The following LRRC4C variants were observed in gnomAD, a reference collection of about 807,000 sequenced individuals.
LRRC4C encodes leucine rich repeat containing 4C.
LRRC4C carries 5 observed loss-of-function variants against 33.6 expected under a neutral mutation model. That is an observed-to-expected ratio of 0.15 (90% CI 0.08 to 0.31). LRRC4C has a LOEUF of 0.31. Ranked by LOEUF, LRRC4C falls within the 10% of genes least tolerant of loss-of-function variation. LRRC4C has a pLI of 1.00. For missense variants in LRRC4C, 560 were observed against 796.7 expected (o/e 0.70, Z 3.58); for synonymous variants, 329 against 302.0 (o/e 1.09, Z -0.93).
intron 1 of LRRC4C, among the ~76,000 whole-genome samples, chr11:41,126,680 G>A (rs1942758190): frequency 6.6e-6 from 1 of 151,852 alleles, no homozygotes; most frequent in Admixed American, 6.6e-5. Flanking sequence ...CACGAAACAA[G>A]CAGAAGTTCG....
rs561875323 is a variant in LRRC4C, at chr11:40,156,194, A to T, written c.-95-15341T>A. Among the ~76,000 whole-genome samples the T allele has an allele frequency of 2.3e-4, 35 of 152,310 alleles. 2 individuals are homozygous for T. The South Asian group carries it at 3.7e-3, about 16-fold the overall frequency. ...TTTCAGCAAAATCAGCATACAAGAG[A>T]CATACCTGAATGTAATAAAAGCCAT... On this transcript the variant is annotated intron_variant, in intron 5 of 6. Coordinates refer to ENST00000528697, the MANE Select transcript of LRRC4C (RefSeq NM_001258419.2).
intron 1 of LRRC4C, among the ~76,000 whole-genome samples, chr11:41,213,447 C>G (rs1946906550): frequency 6.6e-6 from 1 of 152,098 alleles, no homozygotes; most frequent in African/African-American, 2.4e-5. Flanking sequence ...TGTTAGCAAA[C>G]TCGTTTTAAT....
chr11:40,629,075 A>G (rs1004138206), intron 3 of LRRC4C, among the ~76,000 whole-genome samples: 1 of 152,220 alleles, frequency 6.6e-6, no homozygotes, highest in East Asian at 1.9e-4. Flanking sequence ...ACAATATATT[A>G]CTTAGCAAGT....
intron 3 of LRRC4C, among the ~76,000 whole-genome samples, chr11:40,518,174 C>A (rs1284923550): frequency 2.0e-5 from 3 of 152,116 alleles, no homozygotes; most frequent in Admixed American, 2.0e-4. Context: ...AAAACCTAGG[C>A]AATGCCATTC....
intron 3 of LRRC4C, among the ~76,000 whole-genome samples, chr11:40,459,839 G>C (rs571251065): frequency 1.3e-5 from 2 of 152,112 alleles, no homozygotes; most frequent in South Asian, 2.1e-4. Flanking sequence ...ACCTGTGTGC[G>C]TGCTGGCTAC....
intron 3 of LRRC4C, among the ~76,000 whole-genome samples, chr11:40,507,784 G>A (rs1955108831): frequency 6.8e-6 from 1 of 148,054 alleles, no homozygotes; most frequent in African/African-American, 2.5e-5. Context: ...CTGTTGTGCA[G>A]GCTGGAGTGC....
chr11:40,346,213 G>C (rs1178796086), intron 3 of LRRC4C, among the ~76,000 whole-genome samples: 2 of 152,066 alleles, frequency 1.3e-5, no homozygotes, highest in Non-Finnish European at 2.9e-5. Flanking sequence ...ATACCCAAAT[G>C]AATATAAATT....
chr11:40,243,219 A>T (rs951158893), intron 4 of LRRC4C, among the ~76,000 whole-genome samples: 1 of 152,180 alleles, frequency 6.6e-6, no homozygotes, highest in Non-Finnish European at 1.5e-5. Context: ...TAAAAAGGTA[A>T]ATTTCTACAC....
At chr11:41,168,517 G>A (rs966012238) in intron 1 of LRRC4C, among the ~76,000 whole-genome samples, 4 of 152,134 alleles carry the variant, frequency 2.6e-5, no homozygotes, top group African/African-American at 7.2e-5. Flanking sequence ...TCTCTAATCT[G>A]TACTTAATGA....
At chr11:41,141,821 T>G (rs139586369) in intron 1 of LRRC4C, among the ~76,000 whole-genome samples, 12 of 152,182 alleles carry the variant, frequency 7.9e-5, no homozygotes, top group Non-Finnish European at 1.3e-4. Flanking sequence ...TATGTCTTCA[T>G]AGCAGCCTGA....
At chr11:40,786,519 G>A (rs1350591915) in intron 2 of LRRC4C, among the ~76,000 whole-genome samples, 1 of 152,112 alleles carries the variant, frequency 6.6e-6, no homozygotes, top group Non-Finnish European at 1.5e-5. Context: ...AAGTCTAAGT[G>A]ACATATAAAC....
chr11:40,318,773 A>C lies in LRRC4C; in HGVS notation c.-176+855T>G, dbSNP rs991607325. Among the ~76,000 whole-genome samples the C allele has an allele frequency of 2.0e-5, 3 of 152,256 alleles. No homozygotes were observed. In the East Asian group the frequency reaches 5.8e-4, roughly 29 times the overall value. ...TATGCCTCAAAAATTGAAAACTACT[A>C]TCTGCAATGGGTTTTTATTTTGTTT... is the stretch of plus-strand genomic sequence containing the variant. On this transcript the variant is annotated intron_variant, in intron 4 of 6. Coordinates refer to ENST00000528697, the MANE Select transcript of LRRC4C (RefSeq NM_001258419.2).
At chr11:40,894,008 TG>T (rs1285852658) in intron 2 of LRRC4C, among the ~76,000 whole-genome samples, 1 of 152,126 alleles carries the variant, frequency 6.6e-6, no homozygotes, top group Non-Finnish European at 1.5e-5. Flanking sequence ...ATCATAAACC[TG>T]CATGTTTTTG....
chr11:40,301,394 A>G (rs1037069946), intron 4 of LRRC4C, among the ~76,000 whole-genome samples: 2 of 152,232 alleles, frequency 1.3e-5, no homozygotes, highest in Non-Finnish European at 2.9e-5. Flanking sequence ...GAATCTTTGC[A>G]CTGGGAAGAA....
chr11:40,865,957 A>G (rs1019846067), intron 2 of LRRC4C, among the ~76,000 whole-genome samples: 1 of 151,940 alleles, frequency 6.6e-6, no homozygotes, highest in Non-Finnish European at 1.5e-5. Context: ...GATTTTTTTA[A>G]TCTATTGGAT....
chr11:40,257,519 G>A (rs1275842633), intron 4 of LRRC4C, among the ~76,000 whole-genome samples: 1 of 152,080 alleles, frequency 6.6e-6, no homozygotes, highest in Non-Finnish European at 1.5e-5. Flanking sequence ...ATGTGCTTCT[G>A]AGAAAGAAGC....
intron 1 of LRRC4C, among the ~76,000 whole-genome samples, chr11:41,363,235 C>A (rs922661641): frequency 6.6e-6 from 1 of 152,266 alleles, no homozygotes; most frequent in African/African-American, 2.4e-5. Context: ...GTTTACCCTG[C>A]CCACCAAGCT....
At chr11:41,167,451 A>G (rs1313267133) in intron 1 of LRRC4C, among the ~76,000 whole-genome samples, 2 of 152,178 alleles carry the variant, frequency 1.3e-5, no homozygotes, top group African/African-American at 4.8e-5. Context: ...CAAAAATTGT[A>G]GCAGGAAATG....
At chr11:40,259,524 C>T (rs1867510571) in intron 4 of LRRC4C, among the ~76,000 whole-genome samples, 2 of 151,830 alleles carry the variant, frequency 1.3e-5, no homozygotes, top group Non-Finnish European at 2.9e-5. Context: ...AGGTTTTCTT[C>T]TAGGGTTTTT....
Sources: gnomAD v4.1 joint callset for allele counts (sites outside exome capture counted in the v4.1 genomes callset) on GRCh38, gnomAD v4.1.1 for gene constraint, MANE v1.5 for transcripts, NCBI Gene and HGNC (gene_info 2026-07-23, HGNC 2026-07-21) for gene names.